Variants in TMEM181 observed in about 807,000 individuals in gnomAD.
TMEM181 encodes G protein-coupled receptor 178.
In TMEM181, 39 loss-of-function variants were observed where a neutral mutation model predicts 71.9. The observed-to-expected ratio is 0.54, with a 90% confidence interval of 0.42 to 0.71. The LOEUF is 0.71. Ranked by LOEUF, TMEM181 falls within the 30% of genes least tolerant of loss-of-function variation. The pLI, the probability that TMEM181 is intolerant of heterozygous loss-of-function variation, is 0.00. For synonymous variants in TMEM181, 245 were observed against 228.8 expected (o/e 1.07, Z -0.64); for missense variants, 595 against 583.0 (o/e 1.02, Z -0.21).
At chr6:158,612,057 C>G (rs1301089589) in intron 10 of TMEM181, among the ~76,000 whole-genome samples, 1 of 151,904 alleles carries the variant, frequency 6.6e-6, no homozygotes, top group African/African-American at 2.4e-5. Flanking sequence ...TTAGGGCCTA[C>G]TTTTTTACTG....
rs1280637576 is a variant in TMEM181 at position 158,635,028 on chromosome 6, G to T, written c.*3140G>T. On this transcript the variant is annotated 3_prime_UTR_variant, in exon 17 of 17. Coordinates refer to ENST00000684151, the MANE Select transcript of TMEM181 (RefSeq NM_001376852.1). ...TTGCCTTAGAGGTTAGACTTTTGAA[G>T]AAAAAAAAAAAAAGATACAGATCTT... 1 of 139,202 alleles carries T rather than the reference G, an allele frequency of 7.2e-6. No homozygotes were observed. The highest frequency in any genetic ancestry group is 1.6e-5 in the Non-Finnish European group (1 of 63,730). The allele number at this position is 139,202 out of a possible 1,614,324, so 8.6% of individuals were successfully genotyped here.
intron 7 of TMEM181, 97 bp from the exon 8 acceptor site, chr6:158,607,146 AT>A (rs1446483866): frequency 2.0e-5 from 19 of 953,276 alleles, no homozygotes; most frequent in Admixed American, 3.7e-5. Flanking sequence ...TAGACCATTG[AT>A]TAGAGAAGAC....
intron 5 of TMEM181, 26 bp downstream of exon 5, chr6:158,585,451 G>C (rs748850216): frequency 6.4e-7 from 1 of 1,551,468 alleles, no homozygotes; most frequent in Admixed American, 2.1e-5. Flanking sequence ...GAGCCCCACA[G>C]TCAGTCCTCA....
rs140698650 is a variant in TMEM181 at position 158,610,146 on chromosome 6, A to G, written c.896+1396A>G. On this transcript the variant is annotated intron_variant, in intron 10 of 16. Transcript: ENST00000684151. The stretch of plus-strand genomic sequence containing the variant: ...ACGCAGCCAGCTCAAGCTGTCTCTT[A>G]AATACCTTGTGATGTTCTGGGACAG... 6.5e-3 allele frequency: 1,457 copies of G among 223,560 alleles called. 8 individuals are homozygous for G. Among genetic ancestry groups the G allele is most frequent in the Non-Finnish European group, 0.01 (1,063 of 105,334 alleles). 13.8% of individuals were successfully genotyped at this position (223,560 alleles called of 1,614,324 possible). A position where few individuals can be genotyped will look rare whatever the true frequency, so the allele number is the denominator to read the frequency against.
chr6:158,571,287 C>T (rs944064746), intron 1 of TMEM181, among the ~76,000 whole-genome samples: 5 of 148,832 alleles, frequency 3.4e-5, no homozygotes, highest in Admixed American at 2.0e-4. Flanking sequence ...TTAGTAAAGA[C>T]GGGGTTTCAC....
intron 10 of TMEM181, among the ~76,000 whole-genome samples, chr6:158,617,125 C>T (rs767833012): frequency 1.3e-5 from 2 of 151,978 alleles, no homozygotes; most frequent in South Asian, 2.1e-4. Flanking sequence ...GACTTTTTTT[C>T]GTTGGTAAGC....
At position 158,573,653 on chromosome 6, in the gene TMEM181, C is replaced by T. The variant is rs531476802; in HGVS notation, c.112+130C>T. 19 of 763,062 alleles carry T rather than the reference C, an allele frequency of 2.5e-5. No homozygotes were observed. The African/African-American group carries it at 3.0e-4, about 12-fold the overall frequency. The allele number at this position is 763,062 out of a possible 1,614,324, so 47.3% of individuals were successfully genotyped here. A position where few individuals can be genotyped will look rare whatever the true frequency, so the allele number is the denominator to read the frequency against. Reference sequence around the variant, plus strand: ...CCCAGCGTGGAGGGAGAAGTGTCCACAGGGTGGATGGGGTCCCAGCCCTGC... The same window carrying T: ...CCCAGCGTGGAGGGAGAAGTGTCCATAGGGTGGATGGGGTCCCAGCCCTGC... On this transcript the variant is annotated intron_variant, in intron 2 of 16. Coordinates refer to ENST00000684151, the MANE Select transcript of TMEM181 (RefSeq NM_001376852.1).
chr6:158,550,453 C>G (rs372890458), intron 1 of TMEM181, among the ~76,000 whole-genome samples: 3 of 151,718 alleles, frequency 2.0e-5, no homozygotes, highest in Non-Finnish European at 2.9e-5. Flanking sequence ...GTCAAGAGAT[C>G]GAGACCATCC....
intron 1 of TMEM181, among the ~76,000 whole-genome samples, chr6:158,544,712 C>T (rs777012852): frequency 2.0e-5 from 3 of 152,144 alleles, no homozygotes; most frequent in Non-Finnish European, 4.4e-5. Flanking sequence ...CTTCATCACC[C>T]CCTCCCCTGC....
chr6:158,633,559 A>G lies in TMEM181; in HGVS notation c.*1671A>G, dbSNP rs1398554275. On this transcript the variant is annotated 3_prime_UTR_variant, in exon 17 of 17. Transcript: ENST00000684151. ...TCTATGCATTGACTCTCAGATTACC[A>G]TGCAGAGCTTCACGTTATCATCCAC... 1 of 152,180 alleles carries G rather than the reference A, an allele frequency of 6.6e-6. No homozygotes were observed. The highest frequency in any genetic ancestry group is 1.5e-5 in the Non-Finnish European group (1 of 68,030). 9.4% of individuals were successfully genotyped at this position (152,180 alleles called of 1,614,324 possible).
intron 1 of TMEM181, among the ~76,000 whole-genome samples, chr6:158,545,426 T>C (rs899442392): frequency 6.6e-6 from 1 of 152,204 alleles, no homozygotes; most frequent in African/African-American, 2.4e-5. Flanking sequence ...TTTTGCTACA[T>C]AGGAAGCAGC....
chr6:158,551,895 A>G (rs1396127783), intron 1 of TMEM181, among the ~76,000 whole-genome samples: 2 of 152,208 alleles, frequency 1.3e-5, no homozygotes, highest in African/African-American at 4.8e-5. Context: ...TATGACAGAT[A>G]CAGTTTTTAT....
chr6:158,631,906 G>A lies in TMEM181; in HGVS notation c.*18G>A, dbSNP rs200433730. On this transcript the variant is annotated 3_prime_UTR_variant, in exon 17 of 17. Coordinates refer to ENST00000684151, the MANE Select transcript of TMEM181 (RefSeq NM_001376852.1). The stretch of plus-strand genomic sequence containing the variant: ...GTGACTGAGCCCCGGCCAGCCCAGC[G>A]AGGCGACAAGATGCCTGGATGCTTT... The A allele has an allele frequency of 1.8e-5, 28 of 1,568,246 alleles. 1 individual carries two copies. In the Admixed American group the frequency reaches 2.8e-4, roughly 16 times the overall value.
intron 1 of TMEM181, among the ~76,000 whole-genome samples, chr6:158,537,160 C>T (rs1028998313): frequency 1.3e-5 from 2 of 152,024 alleles, no homozygotes; most frequent in Non-Finnish European, 1.5e-5. Context: ...AGGCTCCCGC[C>T]TCCCCGGAAA....
chr6:158,555,217 A>G (rs143976484), upstream of TMEM181, among the ~76,000 whole-genome samples: 10 of 152,336 alleles, frequency 6.6e-5, no homozygotes, highest in East Asian at 1.9e-3. Context: ...TGTGGCAGAA[A>G]AAGCAATTTT....
At chr6:158,601,570 C>G (rs375438556) in intron 6 of TMEM181, among the ~76,000 whole-genome samples, 19 of 151,982 alleles carry the variant, frequency 1.3e-4, no homozygotes, top group African/African-American at 4.6e-4. Flanking sequence ...ACCAGCCTGG[C>G]CAATATGATG....
intron 2 of TMEM181, among the ~76,000 whole-genome samples, chr6:158,576,870 G>A (rs1783190780): frequency 6.6e-6 from 1 of 151,940 alleles, no homozygotes; most frequent in East Asian, 1.9e-4. Flanking sequence ...AGACCATCCT[G>A]GCTAACATGG....
At chr6:158,623,467 AAC>A in intron 10 of TMEM181, 81 bp from the exon 11 acceptor site, 1 of 1,016,942 alleles carries the variant, frequency 9.8e-7, no homozygotes, top group South Asian at 1.9e-5. Flanking sequence ...AAGTAAAAAA[AAC>A]AAAAAGTCAA....
At chr6:158,626,089 T>C (rs1786259658) in intron 13 of TMEM181, among the ~76,000 whole-genome samples, 1 of 152,186 alleles carries the variant, frequency 6.6e-6, no homozygotes, top group African/African-American at 2.4e-5. Context: ...ATCCTTGGGG[T>C]GCCCCAGGGA....
Sources: gnomAD v4.1 joint callset for allele counts (sites outside exome capture counted in the v4.1 genomes callset) on GRCh38, gnomAD v4.1.1 for gene constraint, MANE v1.5 for transcripts, NCBI Gene and HGNC (gene_info 2026-07-23, HGNC 2026-07-21) for gene names.